Variants in NPEPPS observed in about 807,000 individuals in gnomAD.
The protein encoded by NPEPPS is puromycin-sensitive aminopeptidase.
In NPEPPS, 14 loss-of-function variants were observed where a neutral mutation model predicts 115.5. That is an observed-to-expected ratio of 0.12 (90% CI 0.08 to 0.19). NPEPPS has a LOEUF of 0.19. Among genes scored for constraint, NPEPPS ranks in the 10% least tolerant of loss-of-function variants. The pLI is 1.00. For synonymous variants in NPEPPS, 285 were observed against 390.6 expected, an observed-to-expected ratio of 0.73 and a Z score of 3.19; for missense variants, 523 against 1,110.8, an observed-to-expected ratio of 0.47 and a Z score of 7.52.
At chr17:47,588,764 C>T (rs1912338463) in intron 9 of NPEPPS, among the ~76,000 whole-genome samples, 1 of 151,952 alleles carries the variant, frequency 6.6e-6, no homozygotes, top group South Asian at 2.1e-4. Context: ...TGTGTACATT[C>T]TTATTAAACA....
chr17:47,594,451 C>A (rs1349676791), intron 12 of NPEPPS, among the ~76,000 whole-genome samples: 1 of 149,318 alleles, frequency 6.7e-6, no homozygotes, highest in African/African-American at 2.5e-5. Context: ...GCTCTTGTTG[C>A]CCAGGCTGGA....
upstream of NPEPPS, among the ~76,000 whole-genome samples, chr17:47,526,662 C>A (rs9895248): frequency 0.51 from 76,318 of 149,628 alleles, 18,472 homozygotes; most frequent in East Asian, 0.66. Flanking sequence ...TAATAAAATA[C>A]AACTGGAGAG....
At chr17:47,552,210 A>T (rs937955276) in intron 2 of NPEPPS, among the ~76,000 whole-genome samples, 2 of 151,940 alleles carry the variant, frequency 1.3e-5, no homozygotes, top group Non-Finnish European at 2.9e-5. Flanking sequence ...AAGCAGTCCT[A>T]CCTCAGCTTC....
intron 17 of NPEPPS, 115 bp from the exon 18 acceptor site, chr17:47,612,343 AGT>A: frequency 1.1e-6 from 1 of 938,310 alleles, no homozygotes; most frequent in Non-Finnish European, 1.6e-6. Context: ...AAGTTAATTG[AGT>A]GTGTTTGTTC....
intron 1 of NPEPPS, among the ~76,000 whole-genome samples, chr17:47,532,184 C>T (rs549258056): frequency 0.012 from 1,819 of 152,146 alleles, 23 homozygotes; most frequent in Middle Eastern, 0.02. Context: ...CCAAGATGAT[C>T]CGCCCCCTCC....
At chr17:47,560,990 T>C (rs2143773023) in intron 2 of NPEPPS, among the ~76,000 whole-genome samples, 1 of 152,344 alleles carries the variant, frequency 6.6e-6, no homozygotes, top group African/African-American at 2.4e-5. Flanking sequence ...AAATTTGAAG[T>C]ACAGTTGACT....
In NPEPPS at chr17:47,599,879, G is replaced by A. The variant is rs1481148232; in HGVS notation, c.1600+140G>A. ...GTCGCCCAGGCTCGAGTGCCATAGCGTGATCTTGGCTCACTGCAACCTCCA... is the reference window on the plus strand; with the variant it reads ...GTCGCCCAGGCTCGAGTGCCATAGCATGATCTTGGCTCACTGCAACCTCCA... On this transcript the variant is annotated intron_variant, in intron 14 of 22. Transcript: ENST00000322157. 1.6e-5 allele frequency: 11 copies of A among 683,192 alleles called. No individual in the cohort carries two copies. The East Asian group carries it at 1.7e-4, about 11-fold the overall frequency. The allele number at this position is 683,192 out of a possible 1,614,324, so 42.3% of individuals were successfully genotyped here. A position where few individuals can be genotyped will look rare whatever the true frequency, so the allele number is the denominator to read the frequency against.
chr17:47,559,602 C>G (rs953241154), intron 2 of NPEPPS: 1 of 454,584 alleles, frequency 2.2e-6, no homozygotes, highest in Non-Finnish European at 4.4e-6. Context: ...TAAGGTTCAT[C>G]TTTTTCCAAT....
chr17:47,531,622 A>AT (rs1224736327), intron 1 of NPEPPS, 67 bp downstream of exon 1: 1 of 1,471,292 alleles, frequency 6.8e-7, no homozygotes, highest in Non-Finnish European at 9.0e-7. Context: ...CGCGGGCTGG[A>AT]CTCAGGGCCC....
intron 17 of NPEPPS, among the ~76,000 whole-genome samples, chr17:47,606,245 C>G (rs1225661176): frequency 6.6e-6 from 1 of 152,138 alleles, no homozygotes; most frequent in African/African-American, 2.4e-5. Context: ...TATTTGCTTT[C>G]TACATGTGTT....
intron 20 of NPEPPS, 108 bp from the exon 21 acceptor site, chr17:47,618,901 G>A: frequency 4.1e-6 from 4 of 984,596 alleles, no homozygotes; most frequent in Non-Finnish European, 6.1e-6. Context: ...CTAAAACAAG[G>A]AATAAGTGTC....
In NPEPPS at chr17:47,586,030, C is replaced by T. The variant is rs2644318; in HGVS notation, c.850-118C>T. 7.9e-5 allele frequency: 83 copies of T among 1,052,078 alleles called. 1 individual carries two copies. Among genetic ancestry groups the T allele is most frequent in the Non-Finnish European group, 9.8e-5 (76 of 775,930 alleles). The allele number at this position is 1,052,078 out of a possible 1,614,324, so 65.2% of individuals were successfully genotyped here. A position where few individuals can be genotyped will look rare whatever the true frequency, so the allele number is the denominator to read the frequency against. On this transcript the variant is annotated intron_variant, in intron 6 of 22. Coordinates refer to ENST00000322157, the MANE Select transcript of NPEPPS (RefSeq NM_006310.4). Reference sequence around the variant, plus strand: ...GCAGTCTTCGGAGGGTAGGGCTCCTCGGGATTCATTTCTAGTAATTTAAGA... The same window carrying T: ...GCAGTCTTCGGAGGGTAGGGCTCCTTGGGATTCATTTCTAGTAATTTAAGA...
chr17:47,550,994 C>T (rs1448586105), intron 2 of NPEPPS, among the ~76,000 whole-genome samples: 3 of 152,150 alleles, frequency 2.0e-5, no homozygotes, highest in Non-Finnish European at 2.9e-5. Flanking sequence ...AACTACACAT[C>T]AAGAGACTAT....
At chr17:47,573,686 C>T (rs1911336398) in intron 3 of NPEPPS, among the ~76,000 whole-genome samples, 1 of 152,272 alleles carries the variant, frequency 6.6e-6, no homozygotes, top group African/African-American at 2.4e-5. Context: ...TACCACTGCC[C>T]TCGCGCCTGG....
rs368579121 is a variant in NPEPPS, at chr17:47,606,694, C to G, written c.2095+1142C>G. Among the ~76,000 whole-genome samples the G allele has an allele frequency of 4.6e-5, 7 of 152,280 alleles. 1 individual carries two copies. In the East Asian group the frequency reaches 7.7e-4, roughly 17 times the overall value. ...TGGGCCTCAAGTGATCTGCCCGTCTCGGCCGCCCAAAGTGCTGTATTACAG... is the reference window on the plus strand; with the variant it reads ...TGGGCCTCAAGTGATCTGCCCGTCTGGGCCGCCCAAAGTGCTGTATTACAG... On this transcript the variant is annotated intron_variant, in intron 17 of 22. Transcript: ENST00000322157.
chr17:47,560,965 A>T (rs968290161), intron 2 of NPEPPS, among the ~76,000 whole-genome samples: 2 of 152,212 alleles, frequency 1.3e-5, no homozygotes, highest in Non-Finnish European at 2.9e-5. Context: ...TTTCAAATAG[A>T]TAATTTGTAA....
chr17:47,546,066 G>GTA (rs1909187331), intron 2 of NPEPPS, 73 bp downstream of exon 2: 1 of 1,500,648 alleles, frequency 6.7e-7, no homozygotes, highest in Admixed American at 2.2e-5. Flanking sequence ...GTGTGTGTGT[G>GTA]TGTGTGTGAG....
chr17:47,593,518 C>T (rs1912643326), intron 12 of NPEPPS, among the ~76,000 whole-genome samples: 1 of 152,060 alleles, frequency 6.6e-6, no homozygotes, highest in Non-Finnish European at 1.5e-5. Flanking sequence ...AATCATGGCA[C>T]CACTGCACTC....
At chr17:47,583,442 G>T (rs1912007952) in intron 5 of NPEPPS, among the ~76,000 whole-genome samples, 1 of 151,832 alleles carries the variant, frequency 6.6e-6, no homozygotes, top group South Asian at 2.1e-4. Context: ...AAAATTATCT[G>T]AGTGTGGTTG....
Sources: gnomAD v4.1 joint callset for allele counts (sites outside exome capture counted in the v4.1 genomes callset) on GRCh38, gnomAD v4.1.1 for gene constraint, MANE v1.5 for transcripts, NCBI Gene and HGNC (gene_info 2026-07-23, HGNC 2026-07-21) for gene names.